KLHL6: variants seen among roughly 807,000 people sequenced by gnomAD.
KLHL6 encodes kelch like family member 6.
In KLHL6, 41 loss-of-function variants were observed where a neutral mutation model predicts 58.6. The ratio of observed to expected loss-of-function variants is 0.70; its 90% CI spans 0.55 to 0.91. The LOEUF is 0.91. Among genes scored for constraint, KLHL6 ranks in the 40% least tolerant of loss-of-function variants. The pLI, the probability that KLHL6 is intolerant of heterozygous loss-of-function variation, is 0.00. For synonymous variants in KLHL6, 338 were observed against 322.7 expected (o/e 1.05, Z -0.51); for missense variants, 714 against 805.6 (o/e 0.89, Z 1.38).
Position 183,508,105 on chromosome 3 carries a change from A to T in KLHL6, c.863T>A (p.Phe288Tyr), listed in dbSNP as rs750016161. The T allele has an allele frequency of 2.0e-5, 32 of 1,614,012 alleles. No homozygotes were observed. Among genetic ancestry groups the T allele is most frequent in the Admixed American group, 1.7e-4 (10 of 59,992 alleles). Residue 288 changes from phenylalanine (F) to tyrosine (Y), a missense_variant, in exon 3 of 7, where the codon TTC becomes TAC. Coordinates refer to ENST00000341319, the MANE Select transcript of KLHL6 (RefSeq NM_130446.4). ...CATCCTGGCTTCCTGGAGCAGCGGG[A>T]AGACCTCTGGGCACTGCCTGATGAG... The part of the protein sequence containing the change: ...DPLIRQCPEV[F>Y]PLLQEARMYH...
chr3:183,516,141 G>C (rs1711552271), intron 2 of KLHL6, among the ~76,000 whole-genome samples: 1 of 152,128 alleles, frequency 6.6e-6, no homozygotes, highest in Non-Finnish European at 1.5e-5. Flanking sequence ...GGCTTTATGA[G>C]GACAGAGGCA....
At position 183,508,110 on chromosome 3, in the gene KLHL6, C is replaced by G; in HGVS notation, c.858G>C (p.Glu286Asp). ...TGGCTTCCTGGAGCAGCGGGAAGAC[C>G]TCTGGGCACTGCCTGATGAGAGGAT... ...EADPLIRQCP[E>D]VFPLLQEARM... Residue 286 changes from glutamate to aspartate, a missense_variant, in exon 3 of 7, where the codon GAG becomes GAC. Physicochemically the swap from Glu to Asp is conservative, Grantham distance 45 (BLOSUM62 2). This residue lies in a region of KLHL6 where 510 missense variants were observed against 629.7 expected (regional missense o/e 0.81). Transcript: ENST00000341319. The G allele has an allele frequency of 1.2e-6, 2 of 1,614,182 alleles. No homozygotes were observed. Among genetic ancestry groups the G allele is most frequent in the Non-Finnish European group, 1.7e-6 (2 of 1,180,044 alleles).
chr3:183,516,805 AC>A (rs1217067309), intron 2 of KLHL6, among the ~76,000 whole-genome samples: 11 of 152,360 alleles, frequency 7.2e-5, no homozygotes, highest in Admixed American at 3.3e-4. Flanking sequence ...GTCTATAAAG[AC>A]ATTGATATTC....
intron 1 of KLHL6, chr3:183,548,729 T>A (rs865881601): frequency 1.3e-5 from 2 of 152,134 alleles, no homozygotes. Context: ...GTCTCCATAA[T>A]GGGGTAAGAT....
rs535540527 is a variant in KLHL6 at position 183,508,147 on chromosome 3, G to T, written c.821C>A (p.Thr274Lys). 3 of 1,614,134 alleles carry T rather than the reference G, an allele frequency of 1.9e-6. No individual in the cohort carries two copies. The highest frequency in any genetic ancestry group is 8.5e-7 in the Non-Finnish European group (1 of 1,180,018). ...CCTGATGAGAGGATCTGCTTCCACCGTCTCCACAAAGTACCACGGGTCCAG... is the reference window on the plus strand; with the variant it reads ...CCTGATGAGAGGATCTGCTTCCACCTTCTCCACAAAGTACCACGGGTCCAG... ...PLLDPWYFVE[T>K]VEADPLIRQC... Residue 274 changes from threonine (T) to lysine (K), a missense_variant, in exon 3 of 7, where the codon ACG becomes AAG. This residue lies in a region of KLHL6 where 510 missense variants were observed against 629.7 expected (regional missense o/e 0.81). Transcript: ENST00000341319.
chr3:183,488,587 A>G lies in KLHL6; in HGVS notation c.*3340T>C, dbSNP rs1577170325. On this transcript the variant is annotated 3_prime_UTR_variant, in exon 7 of 7. Transcript: ENST00000341319. Reference sequence around the variant, plus strand: ...GTCTGCTGTGCCAGAACATCCTGCCATGTCCTGCCTGAGTCCGAGGGTTCT... The same window carrying G: ...GTCTGCTGTGCCAGAACATCCTGCCGTGTCCTGCCTGAGTCCGAGGGTTCT... 6.6e-6 allele frequency: 1 copy of G among 152,524 alleles called. No homozygotes were observed. Among genetic ancestry groups the G allele is most frequent in the African/African-American group, 2.4e-5 (1 of 41,546 alleles). 9.4% of individuals were successfully genotyped at this position (152,524 alleles called of 1,614,324 possible). A position where few individuals can be genotyped will look rare whatever the true frequency, so the allele number is the denominator to read the frequency against.
intron 2 of KLHL6, among the ~76,000 whole-genome samples, chr3:183,519,301 A>G (rs553773184): frequency 6.6e-6 from 1 of 152,334 alleles, no homozygotes; most frequent in South Asian, 2.1e-4. Flanking sequence ...GACCAGAATC[A>G]GGTAGGACTG....
intron 2 of KLHL6, among the ~76,000 whole-genome samples, chr3:183,517,505 C>T (rs944448552): frequency 1.9e-4 from 29 of 152,268 alleles, no homozygotes; most frequent in African/African-American, 7.0e-4. Context: ...CCTGCTGGTT[C>T]CTGGAAGCCT....
chr3:183,536,826 T>G (rs1231503815), intron 1 of KLHL6, among the ~76,000 whole-genome samples: 1 of 152,172 alleles, frequency 6.6e-6, no homozygotes, highest in Non-Finnish European at 1.5e-5. Flanking sequence ...ATCAGGTAAC[T>G]GCGTGTCTGA....
intron 2 of KLHL6, among the ~76,000 whole-genome samples, chr3:183,518,135 C>G (rs959154015): frequency 6.6e-6 from 1 of 152,152 alleles, no homozygotes; most frequent in Admixed American, 6.5e-5. Context: ...CCTGGAGGCT[C>G]ATTGAGAATC....
intron 1 of KLHL6, among the ~76,000 whole-genome samples, chr3:183,542,855 CATGGATGGATGGATGGATGGATGG>C (rs10581731): frequency 7.0e-6 from 1 of 143,066 alleles, no homozygotes; most frequent in Non-Finnish European, 1.5e-5. Flanking sequence ...TGGATGGATA[CATGGATGGATGGATGGATGGATGG>C]ATGGATGGAT....
Position 183,501,767 on chromosome 3 carries a change from T to C in KLHL6, c.910-1940A>G, listed in dbSNP as rs150595993. Among the ~76,000 whole-genome samples, 399 of 152,324 alleles carry C rather than the reference T, an allele frequency of 2.6e-3. 3 individuals are homozygous for C. The highest frequency in any genetic ancestry group is 9.1e-3 in the African/African-American group (379 of 41,570). ...CTACCACCCCAATCCACTTACCCTT[T>C]AAGGCACTGTGAGTAATTTACCATG... On this transcript the variant is annotated intron_variant, in intron 3 of 6. Coordinates refer to ENST00000341319, the MANE Select transcript of KLHL6 (RefSeq NM_130446.4).
At chr3:183,544,280 A>C (rs73884515) in intron 1 of KLHL6, among the ~76,000 whole-genome samples, 16,970 of 152,058 alleles carry the variant, frequency 0.11, 1,620 homozygotes, top group African/African-American at 0.26. Context: ...CTTTACAGCT[A>C]GCAGAGGACA....
chr3:183,522,654 A>T (rs1411455750), intron 2 of KLHL6: 1 of 152,186 alleles, frequency 6.6e-6, no homozygotes. Flanking sequence ...TTCATCAGGC[A>T]CCTATAAAAT....
Position 183,499,969 on chromosome 3 carries a change from A to T in KLHL6, c.910-142T>A. The T allele has an allele frequency of 1.7e-6, 1 of 594,364 alleles. No individual in the cohort carries two copies. Among genetic ancestry groups the T allele is most frequent in the East Asian group, 2.9e-5 (1 of 34,016 alleles). 36.8% of individuals were successfully genotyped at this position (594,364 alleles called of 1,614,324 possible). Reference sequence around the variant, plus strand: ...CTTCACCTCCCTGAGCCTCAGTTTCATCATCTGTATAATCGGGATAGCAGA... The same window carrying T: ...CTTCACCTCCCTGAGCCTCAGTTTCTTCATCTGTATAATCGGGATAGCAGA... On this transcript the variant is annotated intron_variant, in intron 3 of 6. Transcript: ENST00000341319. This position sits in a 1 kb window ranked among gnomAD's most constrained non-coding sequence, Gnocchi z 4.6.
Position 183,489,004 on chromosome 3 carries a change from G to T in KLHL6, c.*2923C>A, listed in dbSNP as rs994300326. ...AAGAGTGTTTCCATGATTCATTTAG[G>T]TATTCTGAAGTAGTCCAGAAACTTG... On this transcript the variant is annotated 3_prime_UTR_variant, in exon 7 of 7. Coordinates refer to ENST00000341319, the MANE Select transcript of KLHL6 (RefSeq NM_130446.4). The T allele has an allele frequency of 2.6e-5, 4 of 152,128 alleles. No homozygotes were observed. The highest frequency in any genetic ancestry group is 9.7e-5 in the African/African-American group (4 of 41,408). 9.4% of individuals were successfully genotyped at this position (152,128 alleles called of 1,614,324 possible). A position where few individuals can be genotyped will look rare whatever the true frequency, so the allele number is the denominator to read the frequency against.
At chr3:183,502,724 C>T (rs1241547331) in intron 3 of KLHL6, among the ~76,000 whole-genome samples, 1 of 152,176 alleles carries the variant, frequency 6.6e-6, no homozygotes, top group Non-Finnish European at 1.5e-5. Context: ...TTACTGCAGC[C>T]CCAGCCAAGA....
rs76733908 is a variant in KLHL6 at position 183,533,431 on chromosome 3, C to CT, written c.294-5422dup. Among the ~76,000 whole-genome samples the CT allele has an allele frequency of 8.8e-3, 1,273 of 144,804 alleles. 13 individuals carry two copies. The highest frequency in any genetic ancestry group is 0.025 in the African/African-American group (1,010 of 39,700). 95.0% of individuals were successfully genotyped at this position (144,804 alleles called of 152,430 possible). ...TAGGACTATAGGCACCCACACCCAA[C>CT]TTTTTTTTTTTTTAATTTTTGTAGA... On this transcript the variant is annotated intron_variant, in intron 1 of 6. Transcript: ENST00000341319.
chr3:183,509,482 T>G (rs1456300928), intron 2 of KLHL6, among the ~76,000 whole-genome samples: 1 of 152,246 alleles, frequency 6.6e-6, no homozygotes, highest in Admixed American at 6.5e-5. Flanking sequence ...TTAATGGTTG[T>G]TATCTCTTTG....
Sources: gnomAD v4.1 joint callset for allele counts (sites outside exome capture counted in the v4.1 genomes callset) on GRCh38, gnomAD v4.1.1 for gene constraint, gnomAD v4.1.1 regional missense constraint, Gnocchi (gnomAD v3.1) non-coding constraint, MANE v1.5 for transcripts, NCBI Gene and HGNC (gene_info 2026-07-23, HGNC 2026-07-21) for gene names.